USH2A: variants seen among roughly 807,000 people sequenced by gnomAD.
USH2A encodes the protein Usher syndrome 2A (autosomal recessive, mild).
USH2A carries 443 observed loss-of-function variants against 538.9 expected under a neutral mutation model. The observed-to-expected ratio is 0.82, with a 90% CI of 0.76 to 0.89. The LOEUF (loss-of-function observed/expected upper bound fraction) is 0.89. Ranked by LOEUF, USH2A falls within the 40% of genes least tolerant of loss-of-function variation. USH2A has a pLI of 0.00. For missense variants in USH2A, 6,633 were observed against 6,324.8 expected, an observed-to-expected ratio of 1.05 and a Z score of -1.65; for synonymous variants, 2,413 against 2,273.5, an observed-to-expected ratio of 1.06 and a Z score of -1.75.
intron 61 of USH2A, among the ~76,000 whole-genome samples, chr1:215,720,217 C>T (rs17562778): frequency 0.29 from 43,744 of 151,940 alleles, 7,376 homozygotes; most frequent in Middle Eastern, 0.42. Flanking sequence ...AAGAAAGAGG[C>T]TTTGGTTATA....
In USH2A at chr1:215,900,803, C is replaced by T; in HGVS notation, c.7403G>A (p.Arg2468Lys). 19 of 1,613,702 alleles carry T rather than the reference C, an allele frequency of 1.2e-5. No homozygotes were observed. The highest frequency in any genetic ancestry group is 1.4e-5 in the Non-Finnish European group (17 of 1,179,766). ...GCCAGACCTCATCTGGAGTTGGTAT[C>T]TGGGAGAGCCAGGAGCGTTATTACG... ...PARNNAPGSPRYQLQMRSGDS... is the reference protein window; with the variant it reads ...PARNNAPGSPKYQLQMRSGDS... The change falls in exon 39 of 72, where the codon AGA (arginine) becomes AAA (lysine). Residue 2468 changes from arginine to lysine, a missense_variant. By Grantham distance (26) the Arg-to-Lys change is conservative. Transcript: ENST00000307340.
At chr1:216,033,059 G>T (rs1669166592) in intron 32 of USH2A, among the ~76,000 whole-genome samples, 1 of 152,096 alleles carries the variant, frequency 6.6e-6, no homozygotes, top group Non-Finnish European at 1.5e-5. Flanking sequence ...AATCTGCCAT[G>T]ATGATCTCTC....
intron 38 of USH2A, among the ~76,000 whole-genome samples, chr1:215,928,853 A>G (rs944123399): frequency 6.6e-6 from 1 of 152,154 alleles, no homozygotes; most frequent in Non-Finnish European, 1.5e-5. Flanking sequence ...CTTAAATTCT[A>G]AACAGAATGG....
intron 38 of USH2A, among the ~76,000 whole-genome samples, chr1:215,924,959 C>T (rs1666201080): frequency 6.6e-6 from 1 of 152,050 alleles, no homozygotes; most frequent in African/African-American, 2.4e-5. Flanking sequence ...GTTTCCTTCC[C>T]TCTTCTCCAT....
At chr1:216,049,143 T>C (rs1349579085) in intron 30 of USH2A, among the ~76,000 whole-genome samples, 2 of 152,220 alleles carry the variant, frequency 1.3e-5, no homozygotes, top group Admixed American at 1.3e-4. Context: ...ATTTTAACAG[T>C]AGGCGATACA....
intron 41 of USH2A, among the ~76,000 whole-genome samples, chr1:215,883,779 T>C (rs1246804451): frequency 6.6e-6 from 1 of 152,190 alleles, no homozygotes; most frequent in African/African-American, 2.4e-5. Context: ...AATACCATAT[T>C]ATTATAACTC....
intron 21 of USH2A, among the ~76,000 whole-genome samples, chr1:216,149,734 C>T (rs1246149350): frequency 1.3e-5 from 2 of 152,124 alleles, no homozygotes; most frequent in East Asian, 3.9e-4. Context: ...GATCCCCAGC[C>T]ATATGAAGAC....
At chr1:216,299,284 C>T (rs1229761854) in intron 9 of USH2A, among the ~76,000 whole-genome samples, 2 of 150,502 alleles carry the variant, frequency 1.3e-5, no homozygotes, top group Non-Finnish European at 3.0e-5. Flanking sequence ...AAAAAAAAGG[C>T]TAACATTTAT....
At chr1:216,366,572 T>C (rs1270562796) in intron 3 of USH2A, among the ~76,000 whole-genome samples, 2 of 151,528 alleles carry the variant, frequency 1.3e-5, no homozygotes, top group Admixed American at 6.6e-5. Flanking sequence ...CTTAAAAATC[T>C]TTTTCAATGT....
At position 215,931,108 on chromosome 1, in the gene USH2A, T is replaced by C. The variant is rs1278416059; in HGVS notation, c.7300+3508A>G. On this transcript the variant is annotated intron_variant, in intron 38 of 71. Transcript: ENST00000307340. ...AGAGACGCCCCTCCAGTTGTCCAAA[T>C]AATATTTAAAGTGAATTTTTCAAAT... is the stretch of plus-strand genomic sequence containing the variant. Among the ~76,000 whole-genome samples, 13 of 152,112 alleles carry C rather than the reference T, an allele frequency of 8.5e-5. No homozygotes were observed. The East Asian group carries it at 2.3e-3, about 27-fold the overall frequency.
chr1:216,038,799 C>T lies in USH2A; in HGVS notation c.6325+7632G>A, dbSNP rs1230163696. On this transcript the variant is annotated intron_variant, in intron 32 of 71. Coordinates refer to ENST00000307340, the MANE Select transcript of USH2A (RefSeq NM_206933.4). ...GCAACTCTCAAAATGCTGAAAATAA[C>T]AGGACACCTCTATTTGTAACACTTT... is the stretch of plus-strand genomic sequence containing the variant. Among the ~76,000 whole-genome samples the T allele has an allele frequency of 1.3e-5, 2 of 151,992 alleles. 1 individual carries two copies. Among genetic ancestry groups the T allele is most frequent in the African/African-American group, 4.8e-5 (2 of 41,408 alleles).
intron 26 of USH2A, among the ~76,000 whole-genome samples, chr1:216,080,905 T>A (rs2031921811): frequency 6.6e-6 from 1 of 151,952 alleles, no homozygotes; most frequent in Non-Finnish European, 1.5e-5. Flanking sequence ...TGCTTGTTTT[T>A]ATCAGGAGAG....
At chr1:216,178,132 A>G (rs932876547) in intron 20 of USH2A, among the ~76,000 whole-genome samples, 17 of 152,218 alleles carry the variant, frequency 1.1e-4, no homozygotes, top group Non-Finnish European at 1.3e-4. Context: ...TCAAAAAGAA[A>G]CAATTCATTT....
chr1:216,303,113 T>A (rs1157829980), intron 9 of USH2A, among the ~76,000 whole-genome samples: 1 of 151,970 alleles, frequency 6.6e-6, no homozygotes, highest in South Asian at 2.1e-4. Flanking sequence ...TTATGGATTG[T>A]TCAGGGCACT....
intron 4 of USH2A, among the ~76,000 whole-genome samples, chr1:216,352,417 A>G (rs147354783): frequency 1.8e-3 from 275 of 152,234 alleles, no homozygotes; most frequent in Non-Finnish European, 3.0e-3. Context: ...AAAGATAAAG[A>G]CTTGAAATTA....
intron 23 of USH2A, 83 bp downstream of exon 23, chr1:216,088,930 G>A (rs2032214518): frequency 6.3e-7 from 1 of 1,575,694 alleles, no homozygotes. Context: ...GGTGAAATAA[G>A]AATGTAGGAA....
intron 37 of USH2A, among the ~76,000 whole-genome samples, chr1:215,937,403 G>T (rs1263481618): frequency 2.0e-5 from 3 of 152,036 alleles, no homozygotes; most frequent in Admixed American, 6.6e-5. Context: ...CAACTAGTCA[G>T]CTTGCTTCTA....
intron 18 of USH2A, 134 bp downstream of exon 18, chr1:216,198,181 A>G: frequency 7.6e-7 from 1 of 1,322,166 alleles, no homozygotes; most frequent in East Asian, 2.5e-5. Flanking sequence ...CATATATATG[A>G]AAATTTTCCT....
intron 11 of USH2A, among the ~76,000 whole-genome samples, chr1:216,285,425 C>G (rs2036862775): frequency 6.6e-6 from 1 of 152,210 alleles, no homozygotes; most frequent in African/African-American, 2.4e-5. Flanking sequence ...GGAACTTCCG[C>G]CTAGCTTTCA....
Sources: gnomAD v4.1 joint callset for allele counts (sites outside exome capture counted in the v4.1 genomes callset) on GRCh38, gnomAD v4.1.1 for gene constraint, MANE v1.5 for transcripts, NCBI Gene and HGNC (gene_info 2026-07-23, HGNC 2026-07-21) for gene names.